RALGPS1: variants seen among roughly 807,000 people sequenced by gnomAD.
The protein encoded by RALGPS1 is Ral GEF with PH domain and SH3 binding motif 1.
RALGPS1 carries 19 observed loss-of-function variants against 78.8 expected under a neutral mutation model. That is an observed-to-expected ratio of 0.24 (90% CI 0.17 to 0.35). RALGPS1 has a LOEUF of 0.35. Ranked by LOEUF, RALGPS1 falls within the 10% of genes least tolerant of loss-of-function variation. RALGPS1 has a pLI of 1.00. For synonymous variants in RALGPS1, 228 were observed against 256.3 expected (o/e 0.89, Z 1.06); for missense variants, 454 against 688.3 (o/e 0.66, Z 3.81).
chr9:127,067,795 T>C (rs2049849242), intron 7 of RALGPS1, among the ~76,000 whole-genome samples: 1 of 152,216 alleles, frequency 6.6e-6, no homozygotes, highest in Non-Finnish European at 1.5e-5. Context: ...GCAGCTAGAC[T>C]CACAGGTGCT....
At chr9:127,036,135 A>G (rs557535168) in intron 5 of RALGPS1, among the ~76,000 whole-genome samples, 2 of 152,312 alleles carry the variant, frequency 1.3e-5, no homozygotes, top group African/African-American at 2.4e-5. Context: ...AGACCAAGTG[A>G]TGAAATGAGC....
chr9:127,107,593 G>A (rs895527164), intron 8 of RALGPS1, among the ~76,000 whole-genome samples: 2 of 152,216 alleles, frequency 1.3e-5, no homozygotes, highest in African/African-American at 4.8e-5. Context: ...TCTTCTATCT[G>A]CCAACACACG....
At chr9:127,032,890 T>C (rs182884022) in intron 4 of RALGPS1, among the ~76,000 whole-genome samples, 1 of 152,194 alleles carries the variant, frequency 6.6e-6, no homozygotes, top group Non-Finnish European at 1.5e-5. Context: ...AGAAGAATCA[T>C]AGTAAACAGC....
intron 11 of RALGPS1, among the ~76,000 whole-genome samples, chr9:127,184,774 T>TG (rs1264014412): frequency 6.6e-6 from 1 of 152,254 alleles, no homozygotes; most frequent in Non-Finnish European, 1.5e-5. Context: ...CAGCTCAGCG[T>TG]GGGGCAGAGG....
intron 8 of RALGPS1, among the ~76,000 whole-genome samples, chr9:127,145,572 C>T (rs1325485580): frequency 1.3e-5 from 2 of 152,220 alleles, no homozygotes; most frequent in Non-Finnish European, 2.9e-5. Context: ...AACTCCAAGG[C>T]ACCAAGCCCT....
intron 5 of RALGPS1, among the ~76,000 whole-genome samples, chr9:127,047,037 C>A (rs1487623067): frequency 6.7e-6 from 1 of 149,378 alleles, no homozygotes; most frequent in Non-Finnish European, 1.5e-5. Flanking sequence ...TGTATGGCAA[C>A]ATGGATCTGC....
chr9:127,146,756 C>G (rs574804930), intron 8 of RALGPS1, among the ~76,000 whole-genome samples: 2 of 152,264 alleles, frequency 1.3e-5, no homozygotes, highest in East Asian at 3.9e-4. Context: ...GTTGGCCAGG[C>G]TGGTCTCAAA....
At chr9:126,973,736 AT>A in intron 3 of RALGPS1, among the ~76,000 whole-genome samples, 1 of 152,182 alleles carries the variant, frequency 6.6e-6, no homozygotes, top group Non-Finnish European at 1.5e-5. Flanking sequence ...CTCTGTATCC[AT>A]TAAACAACTC....
chr9:126,949,734 T>C (rs1438011775), intron 1 of RALGPS1, among the ~76,000 whole-genome samples: 2 of 152,104 alleles, frequency 1.3e-5, no homozygotes, highest in African/African-American at 4.8e-5. Flanking sequence ...GATGAGTAGG[T>C]TGTGAAAATT....
At chr9:127,059,122 A>G (rs1198843978) in intron 7 of RALGPS1, among the ~76,000 whole-genome samples, 1 of 152,184 alleles carries the variant, frequency 6.6e-6, no homozygotes, top group Admixed American at 6.5e-5. Context: ...AGGACGGCAG[A>G]TGTATGACAT....
Position 126,955,290 on chromosome 9 carries a change from T to A in RALGPS1, c.-65-6935T>A, listed in dbSNP as rs2131891706. On this transcript the variant is annotated intron_variant, in intron 1 of 18. Coordinates refer to ENST00000259351, the MANE Select transcript of RALGPS1 (RefSeq NM_014636.3). ...TGTGCCCAGTGCCTGGGACAGAGGT[T>A]CTTGACCAGAGTATCTATGAATTTG... Among the ~76,000 whole-genome samples, 3 of 152,358 alleles carry A rather than the reference T, an allele frequency of 2.0e-5. No homozygotes were observed. The South Asian group carries it at 6.2e-4, about 32-fold the overall frequency.
intron 8 of RALGPS1, among the ~76,000 whole-genome samples, chr9:127,098,397 G>T (rs747090482): frequency 1.3e-5 from 2 of 152,098 alleles, no homozygotes; most frequent in Non-Finnish European, 2.9e-5. Context: ...CGAGTGCTGC[G>T]ACCTCATCTC....
At chr9:127,174,310 AAAG>A (rs2059730853) in intron 10 of RALGPS1, among the ~76,000 whole-genome samples, 3 of 137,968 alleles carry the variant, frequency 2.2e-5, no homozygotes, top group African/African-American at 1.1e-4. Flanking sequence ...AGAAAGAAAG[AAAG>A]AAAAAAAAAG....
chr9:126,984,552 T>G (rs2132969237), intron 4 of RALGPS1, among the ~76,000 whole-genome samples: 1 of 152,336 alleles, frequency 6.6e-6, no homozygotes, highest in South Asian at 2.1e-4. Context: ...TGTAACTGCT[T>G]TGTTTTGTTT....
intron 8 of RALGPS1, among the ~76,000 whole-genome samples, chr9:127,077,611 A>G (rs1371110131): frequency 2.6e-5 from 4 of 152,204 alleles, no homozygotes; most frequent in African/African-American, 7.2e-5. Context: ...AGGATTAGCA[A>G]TAATGTTAAC....
chr9:127,105,843 A>G (rs1474853169), intron 8 of RALGPS1, among the ~76,000 whole-genome samples: 1 of 152,192 alleles, frequency 6.6e-6, no homozygotes, highest in Non-Finnish European at 1.5e-5. Flanking sequence ...ATTGTCACCT[A>G]CTTCCCCAAG....
chr9:127,189,470 C>T (rs776572246), intron 11 of RALGPS1, among the ~76,000 whole-genome samples: 3 of 152,188 alleles, frequency 2.0e-5, no homozygotes, highest in Non-Finnish European at 4.4e-5. Flanking sequence ...AACCTAACCC[C>T]GTCGCCAGCC....
rs2052411914 is a variant in RALGPS1, at chr9:127,091,084, A to G, written c.610+21728A>G. Among the ~76,000 whole-genome samples, 1 of 152,252 alleles carries G rather than the reference A, an allele frequency of 6.6e-6. No homozygotes were observed. Among genetic ancestry groups the G allele is most frequent in the African/African-American group, 2.4e-5 (1 of 41,472 alleles). Reference sequence around the variant, plus strand: ...AGCATTACATGCAGTAACAGTGACCATGAAGAAAGCCAGTTTGTATGGAGC... The same window carrying G: ...AGCATTACATGCAGTAACAGTGACCGTGAAGAAAGCCAGTTTGTATGGAGC... On this transcript the variant is annotated intron_variant, in intron 8 of 18. Transcript: ENST00000259351. This position sits in a 1 kb window ranked among gnomAD's most constrained non-coding sequence, Gnocchi z 4.3.
intron 5 of RALGPS1, among the ~76,000 whole-genome samples, chr9:127,041,472 A>G (rs924904115): frequency 1.3e-5 from 2 of 152,174 alleles, no homozygotes; most frequent in African/African-American, 4.8e-5. Context: ...CCAGCAATGA[A>G]TGAGTGTGTG....
Sources: gnomAD v4.1 joint callset for allele counts (sites outside exome capture counted in the v4.1 genomes callset) on GRCh38, gnomAD v4.1.1 for gene constraint, Gnocchi (gnomAD v3.1) non-coding constraint, MANE v1.5 for transcripts, NCBI Gene and HGNC (gene_info 2026-07-23, HGNC 2026-07-21) for gene names.